TANGO6: variants seen among roughly 807,000 people sequenced by gnomAD.
TANGO6 encodes the protein transport and Golgi organization protein 6 homolog.
A neutral mutation model predicts 114.2 loss-of-function variants in TANGO6; 90 were observed. That is an observed-to-expected ratio of 0.79 (90% confidence interval 0.66 to 0.94). TANGO6 has a LOEUF of 0.94. Ranked by LOEUF, TANGO6 falls within the 40% of genes least tolerant of loss-of-function variation. The pLI is 0.00. For synonymous variants in TANGO6, 477 were observed against 509.8 expected (o/e 0.94, Z 0.87); for missense variants, 1,274 against 1,315.3 (o/e 0.97, Z 0.49).
chr16:68,918,128 C>T (rs981977311), intron 11 of TANGO6, among the ~76,000 whole-genome samples: 1 of 151,908 alleles, frequency 6.6e-6, no homozygotes. Context: ...AGGCTGGTCT[C>T]GACTCCTAAC....
Position 68,919,076 on chromosome 16 carries a change from T to A in TANGO6, c.1993-9T>A. 5 of 1,604,608 alleles carry A rather than the reference T, an allele frequency of 3.1e-6. No homozygotes were observed. The highest frequency in any genetic ancestry group is 4.3e-6 in the Non-Finnish European group (5 of 1,175,440). ...TCCTCATTGATTCTCAATTCCCTTT[T>A]TTGGGTAGGTGGTGGACTTTGTAGC... is the stretch of plus-strand genomic sequence containing the variant. On this transcript the variant is annotated splice_polypyrimidine_tract_variant and intron_variant, in intron 11 of 17. Transcript: ENST00000261778.
chr16:68,971,941 CA>C (rs1963709341), intron 14 of TANGO6, among the ~76,000 whole-genome samples: 3 of 152,044 alleles, frequency 2.0e-5, no homozygotes, highest in South Asian at 4.2e-4. Flanking sequence ...CCGATGCAGA[CA>C]TTTTTTTCTA....
chr16:69,032,572 T>C (rs1959613346), intron 16 of TANGO6, among the ~76,000 whole-genome samples: 1 of 151,744 alleles, frequency 6.6e-6, no homozygotes, highest in African/African-American at 2.4e-5. Flanking sequence ...CCAGCCGATC[T>C]AACTTCTTTT....
In TANGO6 at chr16:69,060,949, G is replaced by A. The variant is rs576044259; in HGVS notation, c.3108+20528G>A. Among the ~76,000 whole-genome samples the A allele has an allele frequency of 4.2e-4, 64 of 151,578 alleles. No individual in the cohort carries two copies. The South Asian group carries it at 0.012, about 29-fold the overall frequency. ...AGAGGTTACAGTGAGCCAAGATAGC[G>A]CCACTGCACTCCAGCCTGGTAACAG... is the stretch of plus-strand genomic sequence containing the variant. On this transcript the variant is annotated intron_variant, in intron 17 of 17. Coordinates refer to ENST00000261778, the MANE Select transcript of TANGO6 (RefSeq NM_024562.2).
At chr16:68,888,427 G>A (rs764991794) in intron 7 of TANGO6, among the ~76,000 whole-genome samples, 23 of 152,170 alleles carry the variant, frequency 1.5e-4, no homozygotes, top group Non-Finnish European at 2.9e-4. Flanking sequence ...TTTTTTGCTC[G>A]TAAGAGGATT....
intron 15 of TANGO6, among the ~76,000 whole-genome samples, chr16:69,012,556 C>CAAAAAAAAAAAAAAAAAAAAAAAGAAA (rs1175561720): frequency 5.5e-5 from 2 of 36,508 alleles, no homozygotes; most frequent in African/African-American, 1.1e-4. Context: ...AACTCTGTCT[C>CAAAAAAAAAAAAAAAAAAAAAAAGAAA]AAAAAAAAAA....
In TANGO6 at chr16:68,993,308, G is replaced by T. The variant is rs894118358; in HGVS notation, c.2842+19140G>T. On this transcript the variant is annotated intron_variant, in intron 15 of 17. Coordinates refer to ENST00000261778, the MANE Select transcript of TANGO6 (RefSeq NM_024562.2). Reference sequence around the variant, plus strand: ...TTATTTTCAGTGTCTTCATACTTTTGTCTTCTCATCTCACTATTCTAATTC... The same window carrying T: ...TTATTTTCAGTGTCTTCATACTTTTTTCTTCTCATCTCACTATTCTAATTC... 5.3e-5 allele frequency among the ~76,000 whole-genome samples: 8 copies of T among 152,034 alleles called. No homozygotes were observed. The South Asian group carries it at 1.7e-3, about 32-fold the overall frequency.
At chr16:69,014,968 C>T (rs996596753) in intron 15 of TANGO6, among the ~76,000 whole-genome samples, 2 of 151,844 alleles carry the variant, frequency 1.3e-5, no homozygotes, top group Non-Finnish European at 2.9e-5. Context: ...ATGCCTATGC[C>T]AAATTGCAGC....
intron 15 of TANGO6, among the ~76,000 whole-genome samples, chr16:69,016,329 G>C (rs1959297432): frequency 6.6e-6 from 1 of 152,042 alleles, no homozygotes; most frequent in Non-Finnish European, 1.5e-5. Flanking sequence ...ACCTGGGAGA[G>C]GGAGGTTGCG....
chr16:68,874,013 G>T (rs1596999167), intron 4 of TANGO6, among the ~76,000 whole-genome samples: 1 of 152,194 alleles, frequency 6.6e-6, no homozygotes, highest in East Asian at 1.9e-4. Flanking sequence ...CAGGCTGGCT[G>T]GTGGGAACAC....
chr16:68,899,634 C>T (rs1028230721), intron 7 of TANGO6, among the ~76,000 whole-genome samples: 2 of 151,802 alleles, frequency 1.3e-5, no homozygotes, highest in Non-Finnish European at 2.9e-5. Context: ...GGGTCTTACT[C>T]TGTCACCCAG....
At chr16:69,082,217 C>T (rs1279164137) in intron 17 of TANGO6, among the ~76,000 whole-genome samples, 1 of 152,014 alleles carries the variant, frequency 6.6e-6, no homozygotes, top group East Asian at 1.9e-4. Context: ...ACTATCCTGA[C>T]CTTGTGATCT....
At chr16:69,026,296 C>T (rs1959501209) in intron 16 of TANGO6, 1 of 152,206 alleles carries the variant, frequency 6.6e-6, no homozygotes, top group South Asian at 2.1e-4. Flanking sequence ...CCACCACGCC[C>T]CACTGACTTC....
At chr16:68,846,354 A>G (rs1961803721) in intron 1 of TANGO6, among the ~76,000 whole-genome samples, 1 of 152,128 alleles carries the variant, frequency 6.6e-6, no homozygotes, top group Non-Finnish European at 1.5e-5. Context: ...CTGGATTTTC[A>G]TATCTGCTTC....
At chr16:68,907,299 T>C in intron 9 of TANGO6, 144 bp from the exon 10 acceptor site, 3 of 990,082 alleles carry the variant, frequency 3.0e-6, no homozygotes, top group Non-Finnish European at 4.1e-6. Flanking sequence ...GGAGAAACAA[T>C]AAAATAAGTT....
At chr16:68,922,656 A>G (rs1018703874) in intron 12 of TANGO6, among the ~76,000 whole-genome samples, 1 of 151,822 alleles carries the variant, frequency 6.6e-6, no homozygotes, top group Non-Finnish European at 1.5e-5. Flanking sequence ...TACATTGGTT[A>G]CTCCTCCCTG....
intron 15 of TANGO6, among the ~76,000 whole-genome samples, chr16:68,983,547 T>C (rs952519301): frequency 2.6e-5 from 4 of 152,112 alleles, no homozygotes; most frequent in Admixed American, 6.5e-5. Context: ...GGTCAACTCA[T>C]AGACAAATTG....
intron 14 of TANGO6, among the ~76,000 whole-genome samples, chr16:68,948,770 A>G (rs938895148): frequency 2.0e-5 from 3 of 152,322 alleles, no homozygotes; most frequent in South Asian, 2.1e-4. Context: ...CATCTTTCAC[A>G]TGGACTGTGA....
chr16:68,925,408 C>A (rs1963154941), intron 12 of TANGO6, among the ~76,000 whole-genome samples: 3 of 152,154 alleles, frequency 2.0e-5, no homozygotes, highest in African/African-American at 4.8e-5. Flanking sequence ...GTAGGGTATT[C>A]TTCTTTGGTA....
Sources: gnomAD v4.1 joint callset for allele counts (sites outside exome capture counted in the v4.1 genomes callset) on GRCh38, gnomAD v4.1.1 for gene constraint, MANE v1.5 for transcripts, NCBI Gene and HGNC (gene_info 2026-07-23, HGNC 2026-07-21) for gene names.